ZNF280C: variants seen among roughly 807,000 people sequenced by gnomAD.
The protein encoded by ZNF280C is suppressor of hairy wing homolog 3.
Under a neutral mutation model 53.6 loss-of-function variants are expected in ZNF280C, and 14 were observed. The ratio of observed to expected loss-of-function variants is 0.26; its 90% CI spans 0.17 to 0.41. ZNF280C has a LOEUF of 0.41. ZNF280C is among the 10% of genes least tolerant of loss of function. ZNF280C has a pLI of 1.00. For missense variants in ZNF280C, 416 were observed against 547.1 expected, an observed-to-expected ratio of 0.76 and a Z score of 2.39; for synonymous variants, 203 against 181.1, an observed-to-expected ratio of 1.12 and a Z score of -0.97.
At chrX:130,259,601 A>G (rs2124716937) in intron 2 of ZNF280C, among the ~76,000 whole-genome samples, 1 of 112,869 alleles carries the variant, frequency 8.9e-6, no homozygotes, top group African/African-American at 3.2e-5. Context: ...AACCTACAAC[A>G]GTAGTTATCG....
intron 13 of ZNF280C, among the ~76,000 whole-genome samples, chrX:130,220,035 G>T (rs1263518174): frequency 9.0e-6 from 1 of 111,201 alleles, no homozygotes; most frequent in Non-Finnish European, 1.9e-5. Flanking sequence ...CATACAAAAT[G>T]TTAAAAATAC....
intron 2 of ZNF280C, among the ~76,000 whole-genome samples, chrX:130,255,141 CTTTTTTTTTT>C (rs754125713): frequency 7.7e-5 from 7 of 91,163 alleles, no homozygotes; most frequent in South Asian, 5.0e-4. Context: ...CTTTTTTTTT[CTTTTTTTTTT>C]TTTTTTTGAG....
intron 3 of ZNF280C, among the ~76,000 whole-genome samples, chrX:130,244,583 C>T (rs1004247423): frequency 1.8e-5 from 2 of 109,562 alleles, no homozygotes; most frequent in Non-Finnish European, 3.8e-5. Context: ...CGAGACCATC[C>T]TGGCTAACAT....
intron 13 of ZNF280C, among the ~76,000 whole-genome samples, chrX:130,219,538 G>A (rs2032140663): frequency 9.9e-6 from 1 of 101,069 alleles, no homozygotes; most frequent in Non-Finnish European, 2.0e-5. Context: ...ATGTATATAA[G>A]GCAAAGAAGG....
chrX:130,243,444 A>G (rs1458071570), intron 5 of ZNF280C, 119 bp downstream of exon 5: 1 of 853,644 alleles, frequency 1.2e-6, no homozygotes. Context: ...TTGGCCTCCC[A>G]AAGTACCAAA....
At position 130,246,945 on chromosome X, in the gene ZNF280C, T is replaced by C; in HGVS notation, c.92A>G (p.Gln31Arg). 1 of 1,211,505 alleles carries C rather than the reference T, an allele frequency of 8.3e-7. No homozygotes were observed. Among genetic ancestry groups the C allele is most frequent in the Non-Finnish European group, 1.1e-6 (1 of 894,979 alleles). Residue 31 changes from glutamine (Q) to arginine (R), a missense_variant, in exon 3 of 19, where the codon CAG (glutamine) becomes CGG (arginine). Around this residue, in one of 3 missense-constraint regions of ZNF280C, gnomAD observed 193 missense variants for 201.4 expected, o/e 0.96. Coordinates refer to ENST00000370978, the MANE Select transcript of ZNF280C (RefSeq NM_017666.5). ...ATCCTGAGTTTCTTCTACTTTCTTC[T>C]GCCATGGCTCTAGCTCTTCTTCTTC... ...ECEEEELEPWQKKVEETQDED... is the reference protein window; with the variant it reads ...ECEEEELEPWRKKVEETQDED...
chrX:130,239,010 C>G (rs2032362100), intron 6 of ZNF280C, among the ~76,000 whole-genome samples: 1 of 111,141 alleles, frequency 9.0e-6, no homozygotes, highest in South Asian at 3.7e-4. Flanking sequence ...TGGTGGACAT[C>G]AAAGAACTGT....
intron 15 of ZNF280C, among the ~76,000 whole-genome samples, chrX:130,210,368 GT>G (rs1038830889): frequency 8.9e-6 from 1 of 112,176 alleles, no homozygotes; most frequent in Non-Finnish European, 1.9e-5. Context: ...TCAAATTAAA[GT>G]TTTTTAACTA....
chrX:130,233,622 CAAA>C (rs35420272), intron 8 of ZNF280C, among the ~76,000 whole-genome samples: 8 of 52,813 alleles, frequency 1.5e-4, no homozygotes, highest in East Asian at 6.2e-4. Flanking sequence ...AACTCTGTCT[CAAA>C]AAAAAAAAAA....
intron 8 of ZNF280C, among the ~76,000 whole-genome samples, chrX:130,233,646 T>A (rs1379817124): frequency 9.2e-6 from 1 of 108,907 alleles, no homozygotes; most frequent in Admixed American, 9.9e-5. Flanking sequence ...AAAAAAAGAT[T>A]TGCTAAAAGC....
chrX:130,225,217 C>T (rs209224), intron 12 of ZNF280C, among the ~76,000 whole-genome samples: 53,479 of 109,136 alleles, frequency 0.49, 10,122 homozygotes, highest in African/African-American at 0.68. Flanking sequence ...CTTAGTAAAG[C>T]ACAGGGGAAA....
In ZNF280C at chrX:130,227,716, G is replaced by A; in HGVS notation, c.1214C>T (p.Thr405Ile). Residue 405 changes from threonine (T) to isoleucine (I), a missense_variant, in exon 11 of 19, where the codon ACC becomes ATC. Physicochemically the swap from Thr to Ile is moderately conservative, Grantham distance 89 (BLOSUM62 -1). Around this residue, in one of 3 missense-constraint regions of ZNF280C, gnomAD observed 72 missense variants for 168.8 expected, o/e 0.43. Coordinates refer to ENST00000370978, the MANE Select transcript of ZNF280C (RefSeq NM_017666.5). ...EHILLQHMKD[T>I]HKPGEMPYVC... is the part of the protein sequence containing the mutation. ...ATATGGCATTTCACCAGGTTTATGG[G>A]TGTCCTTCATATGTTGTAAAAGAAT... is the stretch of plus-strand genomic sequence containing the variant. The A allele has an allele frequency of 8.3e-7, 1 of 1,206,909 alleles. No individual in the cohort carries two copies. The highest frequency in any genetic ancestry group is 3.0e-5 in the East Asian group (1 of 33,750).
At chrX:130,205,603 G>C (rs1447242791) in intron 16 of ZNF280C, among the ~76,000 whole-genome samples, 188 bp from the exon 17 acceptor site, 1 of 110,246 alleles carries the variant, frequency 9.1e-6, no homozygotes, top group Non-Finnish European at 1.9e-5. Context: ...CGCTGGCCAG[G>C]CACGGTGGCT....
In ZNF280C at chrX:130,207,421, G is replaced by A. The variant is rs186908594; in HGVS notation, c.2043-2006C>T. Among the ~76,000 whole-genome samples, 625 of 111,422 alleles carry A rather than the reference G, an allele frequency of 5.6e-3. 2 individuals are homozygous for A. Among genetic ancestry groups the A allele is most frequent in the African/African-American group, 0.019 (591 of 30,680 alleles). ...GTCACCCAGGCTGGAGTGCAGTGGC[G>A]CGATCTCGGCTCACTGTAACCTCCA... On this transcript the variant is annotated intron_variant, in intron 16 of 18. Transcript: ENST00000370978.
At position 130,260,404 on chromosome X, in the gene ZNF280C, A is replaced by G. The variant is rs1306524893; in HGVS notation, c.31+15T>C. ...AACCATGCCTATTAGTATCAACTAC[A>G]GCAGAAATACTTACTTTTTGGTTGA... is the stretch of plus-strand genomic sequence containing the variant. On this transcript the variant is annotated intron_variant, in intron 2 of 18. Transcript: ENST00000370978. 1.3e-5 allele frequency: 15 copies of G among 1,191,457 alleles called. No individual in the cohort carries two copies. The highest frequency in any genetic ancestry group is 1.7e-5 in the Non-Finnish European group (15 of 884,333).
chrX:130,207,053 A>G (rs1443032448), intron 16 of ZNF280C, among the ~76,000 whole-genome samples: 1 of 111,438 alleles, frequency 9.0e-6, no homozygotes, highest in Non-Finnish European at 1.9e-5. Flanking sequence ...CAGGTTGGAA[A>G]TGGAGCCCTT....
Position 130,204,930 on chromosome X carries a change from T to C in ZNF280C, c.*47A>G. 9.4e-7 allele frequency: 1 copy of C among 1,063,156 alleles called. No homozygotes were observed. Among genetic ancestry groups the C allele is most frequent in the African/African-American group, 1.9e-5 (1 of 51,395 alleles). The allele number at this position is 1,063,156 out of a possible 1,213,427, so 87.6% of individuals were successfully genotyped here. On this transcript the variant is annotated 3_prime_UTR_variant, in exon 19 of 19. Coordinates refer to ENST00000370978, the MANE Select transcript of ZNF280C (RefSeq NM_017666.5). ...CTTCAGAACTTTGAACTTAGGAACT[T>C]CCAACTTGTCTTGCACCAGGTTGCA...
chrX:130,262,589 T>G (rs2032642634), intron 1 of ZNF280C, among the ~76,000 whole-genome samples: 1 of 111,813 alleles, frequency 8.9e-6, no homozygotes, highest in Non-Finnish European at 1.9e-5. Context: ...CCAGCAAAGA[T>G]ATGCAGTGGG....
At chrX:130,257,198 CAAAA>C (rs35374607) in intron 2 of ZNF280C, among the ~76,000 whole-genome samples, 16 of 41,965 alleles carry the variant, frequency 3.8e-4, no homozygotes, top group Admixed American at 1.0e-3. Context: ...GACTCTGTCT[CAAAA>C]AAAAAAAAAA....
Sources: allele counts gnomAD v4.1 joint callset (sites outside exome capture counted in the v4.1 genomes callset), GRCh38; gene constraint gnomAD v4.1.1; regional missense constraint gnomAD v4.1.1; transcripts MANE v1.5; gene names NCBI Gene and HGNC (gene_info 2026-07-23, HGNC 2026-07-21).